Variants in LONP1 observed in about 807,000 individuals in gnomAD.
LONP1 encodes the protein lon protease homolog, mitochondrial.
Under a neutral mutation model 98.5 loss-of-function variants are expected in LONP1, and 31 were observed. The observed-to-expected ratio is 0.31, with a 90% CI of 0.24 to 0.42. LONP1 has a LOEUF of 0.42. Ranked by LOEUF, LONP1 falls within the 20% of genes least tolerant of loss-of-function variation. The pLI, the probability that LONP1 is intolerant of heterozygous loss-of-function variation, is 1.00. For missense variants in LONP1, 1,336 were observed against 1,350.6 expected (o/e 0.99, Z 0.17); for synonymous variants, 781 against 594.7 (o/e 1.31, Z -4.56).
chr19:5,701,674 C>T (rs2055046763), intron 8 of LONP1, among the ~76,000 whole-genome samples: 1 of 152,194 alleles, frequency 6.6e-6, no homozygotes, highest in Non-Finnish European at 1.5e-5. Flanking sequence ...GTGATCTCGG[C>T]TCGCTACAAC....
intron 8 of LONP1, among the ~76,000 whole-genome samples, chr19:5,702,491 G>GC (rs575704415): frequency 2.0e-5 from 3 of 151,610 alleles, no homozygotes; most frequent in South Asian, 2.1e-4. Flanking sequence ...GTGGGGGTCA[G>GC]CCCCCCGCCC....
intron 5 of LONP1, 180 bp from the exon 6 acceptor site, chr19:5,708,006 T>G (rs1032041783): frequency 2.8e-6 from 2 of 727,020 alleles, no homozygotes; most frequent in Non-Finnish European, 4.4e-6. Context: ...CCACCCGTCC[T>G]GGGCTGGAAA....
chr19:5,692,961 G>T (rs2054855943), intron 17 of LONP1, among the ~76,000 whole-genome samples: 1 of 152,098 alleles, frequency 6.6e-6, no homozygotes. Context: ...CCCCTGGCCA[G>T]GGGCTCCAAA....
intron 4 of LONP1, among the ~76,000 whole-genome samples, chr19:5,710,550 T>C (rs2055221236): frequency 6.6e-6 from 1 of 152,060 alleles, no homozygotes; most frequent in Non-Finnish European, 1.5e-5. Context: ...CCAGGGATTT[T>C]ATTTTTTTTG....
intron 15 of LONP1, 83 bp from the exon 16 acceptor site, chr19:5,693,852 C>A: frequency 8.7e-7 from 1 of 1,150,302 alleles, no homozygotes; most frequent in South Asian, 1.3e-5. Flanking sequence ...CCACTCTGAC[C>A]GCTCCTGCCC....
rs1383521439 is a variant in LONP1 at position 5,720,118 on chromosome 19, A to G, written c.15T>C (p.Thr5=). Residue 5 remains threonine (T), a synonymous_variant, in exon 1 of 18, where the codon ACT becomes ACC. Coordinates refer to ENST00000360614, the MANE Select transcript of LONP1 (RefSeq NM_004793.4). ...CCGCTCCCCACAGTCGCACGTAGCC[A>G]GTGCTCGCCGCCATAGCCCGGCCAT... MAAS[T]GYVRLWGAAR... 1 of 1,430,054 alleles carries G rather than the reference A, an allele frequency of 7.0e-7. No individual in the cohort carries two copies. The highest frequency in any genetic ancestry group is 9.1e-7 in the Non-Finnish European group (1 of 1,100,206). 88.6% of individuals were successfully genotyped at this position (1,430,054 alleles called of 1,614,324 possible). A position where few individuals can be genotyped will look rare whatever the true frequency, so the allele number is the denominator to read the frequency against.
chr19:5,702,068 A>AGGGAGGTG (rs375864917), intron 8 of LONP1, among the ~76,000 whole-genome samples: 28,722 of 145,888 alleles, frequency 0.2, 2,483 homozygotes, highest in Middle Eastern at 0.3. Flanking sequence ...CCCGTCCGGG[A>AGGGAGGTG]GGGAGGTGGG....
At chr19:5,711,197 G>A (rs1397710585) in intron 4 of LONP1, among the ~76,000 whole-genome samples, 2 of 152,212 alleles carry the variant, frequency 1.3e-5, no homozygotes, top group South Asian at 2.1e-4. Flanking sequence ...AGCAGCCTGG[G>A]GAAGAGGCTG....
rs550758596 is a variant in LONP1 at position 5,695,903 on chromosome 19, G to C, written c.2013+151C>G. 23 of 659,990 alleles carry C rather than the reference G, an allele frequency of 3.5e-5. No homozygotes were observed. The Admixed American group carries it at 5.0e-4, about 14-fold the overall frequency. The allele number at this position is 659,990 out of a possible 1,614,324, so 40.9% of individuals were successfully genotyped here. On this transcript the variant is annotated intron_variant, in intron 13 of 17. Transcript: ENST00000360614. The stretch of plus-strand genomic sequence containing the variant: ...ACCTGCAGCTGCTCGCAAGCGTCTG[G>C]TGTGTCTCTCACGGCCCCATCTGCT...
At chr19:5,709,142 G>GTAGC (rs1467417767) in intron 4 of LONP1, among the ~76,000 whole-genome samples, 2 of 151,410 alleles carry the variant, frequency 1.3e-5, no homozygotes, top group African/African-American at 2.4e-5. Flanking sequence ...ATTTTCCGGA[G>GTAGC]TAGCTGGGAC....
chr19:5,719,995 G>A lies in LONP1; in HGVS notation c.138C>T (p.Cys46=), dbSNP rs777427800. 19 of 1,580,226 alleles carry A rather than the reference G, an allele frequency of 1.2e-5. No homozygotes were observed. Among genetic ancestry groups the A allele is most frequent in the Non-Finnish European group, 1.6e-5 (19 of 1,165,598 alleles). The part of the protein sequence containing the change: ...GAWLLRGQRT[C]DASPPWALWG... ...ACAGTGCCCAAGGAGGAGAGGCGTC[G>A]CAGGTCCGCTGGCCTCGGAGCAACC... is the stretch of plus-strand genomic sequence containing the variant. The change falls in exon 1 of 18, where the codon TGC becomes TGT. Residue 46 remains cysteine (C), a synonymous_variant. Transcript: ENST00000360614.
rs986465897 is a variant in LONP1, at chr19:5,697,506, A to AG, written c.1686-750dup. Among the ~76,000 whole-genome samples the AG allele has an allele frequency of 3.2e-4, 41 of 126,198 alleles. 1 individual carries two copies. In the East Asian group the frequency reaches 6.3e-3, roughly 19 times the overall value. The allele number at this position is 126,198 out of a possible 152,430, so 82.8% of individuals were successfully genotyped here. A position where few individuals can be genotyped will look rare whatever the true frequency, so the allele number is the denominator to read the frequency against. On this transcript the variant is annotated intron_variant, in intron 10 of 17. Coordinates refer to ENST00000360614, the MANE Select transcript of LONP1 (RefSeq NM_004793.4). The stretch of plus-strand genomic sequence containing the variant: ...GCCATGAGGCTGAGGCAGAGGGAGG[A>AG]GGGGGGGAGAGAAGAGGGAGGAGAG...
At chr19:5,697,954 C>G (rs779552505) in intron 10 of LONP1, among the ~76,000 whole-genome samples, 1 of 151,956 alleles carries the variant, frequency 6.6e-6, no homozygotes, top group Non-Finnish European at 1.5e-5. Context: ...AACCGCTTGC[C>G]CAGGAAGGAC....
At chr19:5,692,980 C>T (rs2054856291) in intron 17 of LONP1, among the ~76,000 whole-genome samples, 1 of 152,038 alleles carries the variant, frequency 6.6e-6, no homozygotes, top group Non-Finnish European at 1.5e-5. Context: ...AACACCCCCG[C>T]CACCAGTAAT....
intron 8 of LONP1, among the ~76,000 whole-genome samples, chr19:5,704,178 G>C (rs1393492389): frequency 6.6e-6 from 1 of 152,222 alleles, no homozygotes; most frequent in Non-Finnish European, 1.5e-5. Context: ...CTGTGAAGGA[G>C]GAAGGGGCCC....
intron 5 of LONP1, 172 bp downstream of exon 5, chr19:5,708,170 C>T (rs1229974032): frequency 4.5e-6 from 3 of 668,562 alleles, no homozygotes; most frequent in South Asian, 1.9e-5. Context: ...CGGCCCCGGG[C>T]CTCCCACCTG....
chr19:5,712,702 C>T (rs1168417934), intron 3 of LONP1, among the ~76,000 whole-genome samples: 1 of 152,066 alleles, frequency 6.6e-6, no homozygotes, highest in Non-Finnish European at 1.5e-5. Flanking sequence ...GCTGTGTTGC[C>T]CAGGCTGGTC....
rs200204116 is a variant in LONP1 at position 5,696,095 on chromosome 19, C to G, written c.1972G>C (p.Val658Leu). 3.1e-6 allele frequency: 5 copies of G among 1,613,068 alleles called. No individual in the cohort carries two copies. The highest frequency in any genetic ancestry group is 2.2e-5 in the South Asian group (2 of 91,082). ...TTCTCCTGGGCCACGTAGCCCGACACGTTGATCATCTCCATACGGTCTCGC... is the reference window on the plus strand; with the variant it reads ...TTCTCCTGGGCCACGTAGCCCGACAGGTTGATCATCTCCATACGGTCTCGC... ...PLRDRMEMIN[V>L]SGYVAQEKLA... The change falls in exon 13 of 18, where the codon GTG (valine) becomes CTG (leucine). Residue 658 changes from valine to leucine, a missense_variant. This residue lies in a region of LONP1 where 555 missense variants were observed against 542.6 expected (regional missense o/e 1.02). Coordinates refer to ENST00000360614, the MANE Select transcript of LONP1 (RefSeq NM_004793.4).
chr19:5,719,963 C>A lies in LONP1; in HGVS notation c.170G>T (p.Arg57Leu). 1 of 1,575,020 alleles carries A rather than the reference C, an allele frequency of 6.3e-7. No individual in the cohort carries two copies. Residue 57 changes from arginine to leucine, a missense_variant, in exon 1 of 18, where the codon CGA (arginine) becomes CTA (leucine). By Grantham distance (102) the Arg-to-Leu change is moderately radical (BLOSUM62 -2). Around this residue, in one of 5 missense-constraint regions of LONP1, gnomAD observed 457 missense variants for 403.1 expected, o/e 1.13. Transcript: ENST00000360614. The stretch of plus-strand genomic sequence containing the variant: ...CCATTGGCCCCCAATTGCCGGGCCT[C>A]GGCCCCACAGTGCCCAAGGAGGAGA... ...DASPPWALWG[R>L]GPAIGGQWRG...
Sources: allele counts gnomAD v4.1 joint callset (sites outside exome capture counted in the v4.1 genomes callset), GRCh38; gene constraint gnomAD v4.1.1; regional missense constraint gnomAD v4.1.1; transcripts MANE v1.5; gene names NCBI Gene and HGNC (gene_info 2026-07-23, HGNC 2026-07-21).